CYTIP: variants seen among roughly 807,000 people sequenced by gnomAD.
CYTIP encodes the protein cytohesin 1 interacting protein.
In CYTIP, 26 loss-of-function variants were observed where a neutral mutation model predicts 43.8. That is an observed-to-expected ratio of 0.59 (90% CI 0.44 to 0.82). The LOEUF (loss-of-function observed/expected upper bound fraction) is 0.82. Ranked by LOEUF, CYTIP falls within the 40% of genes least tolerant of loss-of-function variation. The pLI, the probability that CYTIP is intolerant of heterozygous loss-of-function variation, is 0.00. For synonymous variants in CYTIP, 162 were observed against 162.9 expected, an observed-to-expected ratio of 0.99 and a Z score of 0.04; for missense variants, 426 against 443.1, an observed-to-expected ratio of 0.96 and a Z score of 0.35.
chr2:157,436,269 G>A (rs1290092984), intron 1 of CYTIP, among the ~76,000 whole-genome samples: 4 of 152,072 alleles, frequency 2.6e-5, no homozygotes, highest in African/African-American at 4.8e-5. Context: ...TTTGTACCTC[G>A]TATGTACCGT....
intron 3 of CYTIP, among the ~76,000 whole-genome samples, chr2:157,432,085 T>C (rs1299628279): frequency 6.6e-6 from 1 of 152,212 alleles, no homozygotes; most frequent in Non-Finnish European, 1.5e-5. Flanking sequence ...TAGACCCTTC[T>C]GGAGATGAAA....
chr2:157,422,752 T>C (rs1685542155), intron 6 of CYTIP, among the ~76,000 whole-genome samples: 1 of 150,820 alleles, frequency 6.6e-6, no homozygotes, highest in Non-Finnish European at 1.5e-5. Flanking sequence ...TATAATCCTC[T>C]GAGAGATCAA....
At chr2:157,420,841 G>A (rs1266889740) in intron 6 of CYTIP, among the ~76,000 whole-genome samples, 5 of 152,060 alleles carry the variant, frequency 3.3e-5, no homozygotes, top group African/African-American at 4.8e-5. Flanking sequence ...AGAGACTAGC[G>A]TCCAGTTGAG....
In CYTIP at chr2:157,443,934, T is replaced by G; in HGVS notation, c.87A>C (p.Thr29=). Residue 29 remains threonine (T), a synonymous_variant, in exon 1 of 8, where the codon ACA becomes ACC. Coordinates refer to ENST00000264192, the MANE Select transcript of CYTIP (RefSeq NM_004288.5). ...CAGPAYSSYS[T]LTGSLTMDDN... ...CGTCCATCGTAAGGCTGCCGGTGAG[T>G]GTGGAGTAAGAGCTATACGCTGGCC... is the stretch of plus-strand genomic sequence containing the variant. 6.2e-7 allele frequency: 1 copy of G among 1,614,064 alleles called. No individual in the cohort carries two copies. The highest frequency in any genetic ancestry group is 1.1e-5 in the South Asian group (1 of 91,080).
chr2:157,434,438 G>C lies in CYTIP; in HGVS notation c.225-14C>G. The stretch of plus-strand genomic sequence containing the variant: ...GTAACAAGCTTTCTGTAATAAAAAT[G>C]TTTAAAAAAGAAACTGCATGAAAAT... On this transcript the variant is annotated splice_polypyrimidine_tract_variant and intron_variant, in intron 2 of 7. Transcript: ENST00000264192. 1 of 1,591,706 alleles carries C rather than the reference G, an allele frequency of 6.3e-7. No homozygotes were observed.
At chr2:157,428,504 T>C (rs1378936644) in intron 5 of CYTIP, among the ~76,000 whole-genome samples, 1 of 152,228 alleles carries the variant, frequency 6.6e-6, no homozygotes, top group Non-Finnish European at 1.5e-5. Flanking sequence ...CAGTTTGACC[T>C]GCTGAAGCAA....
chr2:157,437,614 C>T (rs531387324), intron 1 of CYTIP, among the ~76,000 whole-genome samples: 7 of 150,192 alleles, frequency 4.7e-5, no homozygotes, highest in East Asian at 2.0e-4. Flanking sequence ...TTGGAAGAAT[C>T]GCTTCAACCC....
chr2:157,432,580 T>C (rs1014966317), intron 3 of CYTIP, among the ~76,000 whole-genome samples: 2 of 152,196 alleles, frequency 1.3e-5, no homozygotes, highest in African/African-American at 4.8e-5. Context: ...TAGGAGGATA[T>C]GAATTCAGGT....
chr2:157,431,750 T>A (rs983496806), intron 3 of CYTIP, among the ~76,000 whole-genome samples: 1 of 152,200 alleles, frequency 6.6e-6, no homozygotes, highest in Admixed American at 6.5e-5. Context: ...GCAAAATCAG[T>A]GTTCTGAGTA....
chr2:157,442,543 A>G lies in CYTIP; in HGVS notation c.174+1304T>C, dbSNP rs74971231. ...GGTGTGATAGTGTCATGGCAAATATAAAGAAAATCTGACTGCTTTATATCT... is the reference window on the plus strand; with the variant it reads ...GGTGTGATAGTGTCATGGCAAATATGAAGAAAATCTGACTGCTTTATATCT... On this transcript the variant is annotated intron_variant, in intron 1 of 7. Transcript: ENST00000264192. 3.9e-3 allele frequency among the ~76,000 whole-genome samples: 588 copies of G among 152,286 alleles called. 5 individuals are homozygous for G. The highest frequency in any genetic ancestry group is 0.013 in the African/African-American group (543 of 41,550).
intron 3 of CYTIP, among the ~76,000 whole-genome samples, chr2:157,432,379 C>T (rs1685726574): frequency 6.6e-6 from 1 of 152,160 alleles, no homozygotes; most frequent in South Asian, 2.1e-4. Context: ...TCTTCTAGCT[C>T]CCATTAAGGG....
intron 5 of CYTIP, among the ~76,000 whole-genome samples, 185 bp downstream of exon 5, chr2:157,430,374 T>C (rs938516513): frequency 3.3e-5 from 5 of 152,198 alleles, no homozygotes; most frequent in African/African-American, 1.2e-4. Flanking sequence ...GTTGACAGTA[T>C]GTTCAAGTGT....
intron 1 of CYTIP, among the ~76,000 whole-genome samples, chr2:157,435,017 A>T (rs961399492): frequency 6.6e-6 from 1 of 151,998 alleles, no homozygotes; most frequent in Non-Finnish European, 1.5e-5. Context: ...ACAGGATTCT[A>T]GGCATTCCAG....
Position 157,427,358 on chromosome 2 carries a change from A to G in CYTIP, c.539T>C (p.Val180Ala), listed in dbSNP as rs1427034844. ...KRTELEAKLQ[V>A]LKQTLKQKWV... ...TGCATTAAATTAAATTACCTTTAAA[A>G]CCTGCAGCTTTGCTTCAAGCTCCGT... The change falls in exon 6 of 8, where the codon GTT becomes GCT. Residue 180 changes from valine to alanine, a missense_variant. Transcript: ENST00000264192. 6.2e-7 allele frequency: 1 copy of G among 1,609,710 alleles called. No individual in the cohort carries two copies. The highest frequency in any genetic ancestry group is 8.5e-7 in the Non-Finnish European group (1 of 1,178,358).
chr2:157,417,527 C>T (rs915574944), intron 7 of CYTIP, among the ~76,000 whole-genome samples: 1 of 152,060 alleles, frequency 6.6e-6, no homozygotes, highest in African/African-American at 2.4e-5. Flanking sequence ...CTAAAGAAAG[C>T]AAGGAGGTGG....
At chr2:157,420,582 T>C (rs1348037794) in intron 6 of CYTIP, among the ~76,000 whole-genome samples, 1 of 138,274 alleles carries the variant, frequency 7.2e-6, no homozygotes, top group Non-Finnish European at 1.5e-5. Flanking sequence ...GCCTGGGAGG[T>C]TGAGGTTACA....
chr2:157,443,940 G>A lies in CYTIP; in HGVS notation c.81C>T (p.Tyr27=). The A allele has an allele frequency of 6.2e-7, 1 of 1,614,192 alleles. No individual in the cohort carries two copies. The highest frequency in any genetic ancestry group is 8.5e-7 in the Non-Finnish European group (1 of 1,180,014). The change falls in exon 1 of 8, where the codon TAC becomes TAT. Residue 27 remains tyrosine (Y), a synonymous_variant. Coordinates refer to ENST00000264192, the MANE Select transcript of CYTIP (RefSeq NM_004288.5). ...TCGTAAGGCTGCCGGTGAGTGTGGAGTAAGAGCTATACGCTGGCCCAGCGC... is the reference window on the plus strand; with the variant it reads ...TCGTAAGGCTGCCGGTGAGTGTGGAATAAGAGCTATACGCTGGCCCAGCGC... The part of the protein sequence containing the change: ...DFCAGPAYSS[Y]STLTGSLTMD...
rs1214076041 is a variant in CYTIP at position 157,434,849 on chromosome 2, TCACACA to T, written c.175-108_175-103del. 4.7e-3 allele frequency: 229 copies of T among 48,666 alleles called. 1 individual carries two copies. Among genetic ancestry groups the T allele is most frequent in the African/African-American group, 0.019 (201 of 10,790 alleles). 3.0% of individuals were successfully genotyped at this position (48,666 alleles called of 1,614,324 possible). ...CTCTCTCTCTCTCTCTCTCTCTCTC[TCACACA>T]CACACACACACACACACACACACAC... On this transcript the variant is annotated intron_variant, in intron 1 of 7. Coordinates refer to ENST00000264192, the MANE Select transcript of CYTIP (RefSeq NM_004288.5).
In CYTIP at chr2:157,431,705, C is replaced by T. The variant is rs535344702; in HGVS notation, c.280-743G>A. 2.0e-5 allele frequency among the ~76,000 whole-genome samples: 3 copies of T among 152,190 alleles called. No individual in the cohort carries two copies. In the South Asian group the frequency reaches 6.2e-4, roughly 32 times the overall value. ...AACAAATATAATTTTCTTTTTTTCACACATTTAAATTATGAAGTCTAGTTC... is the reference window on the plus strand; with the variant it reads ...AACAAATATAATTTTCTTTTTTTCATACATTTAAATTATGAAGTCTAGTTC... On this transcript the variant is annotated intron_variant, in intron 3 of 7. Coordinates refer to ENST00000264192, the MANE Select transcript of CYTIP (RefSeq NM_004288.5).
Sources: allele counts gnomAD v4.1 joint callset (sites outside exome capture counted in the v4.1 genomes callset), GRCh38; gene constraint gnomAD v4.1.1; transcripts MANE v1.5; gene names NCBI Gene and HGNC (gene_info 2026-07-23, HGNC 2026-07-21).